TRHDE: variants seen among roughly 807,000 people sequenced by gnomAD.
TRHDE encodes thyrotropin-releasing hormone-degrading ectoenzyme.
Under a neutral mutation model 125.7 loss-of-function variants are expected in TRHDE, and 72 were observed. That is an observed-to-expected ratio of 0.57 (90% CI 0.47 to 0.70). The LOEUF (loss-of-function observed/expected upper bound fraction) is 0.70, where lower values mean the gene tolerates loss of function less well. Among genes scored for constraint, TRHDE ranks in the 30% least tolerant of loss-of-function variants. The pLI is 0.00. For missense variants in TRHDE, 1,110 were observed against 1,327.1 expected, an observed-to-expected ratio of 0.84 and a Z score of 2.54; for synonymous variants, 509 against 509.1, an observed-to-expected ratio of 1.00 and a Z score of 0.00.
At chr12:72,288,677 A>G (rs2139430833) in intron 2 of TRHDE, among the ~76,000 whole-genome samples, 1 of 152,234 alleles carries the variant, frequency 6.6e-6, no homozygotes, top group African/African-American at 2.4e-5. Context: ...TTTTTCTAGT[A>G]TGTTTTCTTT....
chr12:72,477,852 T>C (rs1205140839), intron 5 of TRHDE, among the ~76,000 whole-genome samples: 1 of 152,214 alleles, frequency 6.6e-6, no homozygotes, highest in African/African-American at 2.4e-5. Flanking sequence ...TTATAATTTG[T>C]GTTGTCTATA....
intron 3 of TRHDE, among the ~76,000 whole-genome samples, chr12:72,385,295 C>G (rs117575791): frequency 1.4e-4 from 22 of 151,954 alleles, no homozygotes; most frequent in African/African-American, 5.3e-4. Context: ...TGGAAACTAA[C>G]CTAAGGATCT....
chr12:72,508,114 G>A lies in TRHDE; in HGVS notation c.1722+8479G>A, dbSNP rs114617104. Among the ~76,000 whole-genome samples the A allele has an allele frequency of 5.7e-3, 873 of 152,338 alleles. 7 individuals carry two copies. Among genetic ancestry groups the A allele is most frequent in the African/African-American group, 0.019 (802 of 41,578 alleles). On this transcript the variant is annotated intron_variant, in intron 6 of 18. Transcript: ENST00000261180. ...TGTCCAGGTGGAAATCTGCTGCAGG[G>A]GCAGAGCCCTCATAGAGAATCTCTA...
chr12:72,200,104 A>G (rs1877525691), intron 2 of TRHDE, among the ~76,000 whole-genome samples: 1 of 152,214 alleles, frequency 6.6e-6, no homozygotes, highest in Non-Finnish European at 1.5e-5. Context: ...AATAGTGACT[A>G]AAGAGTCTTT....
intron 2 of TRHDE, among the ~76,000 whole-genome samples, chr12:72,366,986 G>C (rs561364796): frequency 6.6e-6 from 1 of 152,092 alleles, no homozygotes; most frequent in South Asian, 2.1e-4. Flanking sequence ...TCACCAAGAG[G>C]CTTTGAGATG....
chr12:72,142,772 A>G (rs925611189), intron 2 of TRHDE, among the ~76,000 whole-genome samples: 9 of 152,022 alleles, frequency 5.9e-5, no homozygotes, highest in Non-Finnish European at 7.4e-5. Context: ...GAAGATGAGG[A>G]ACATCTGGAC....
Position 72,664,316 on chromosome 12 carries a change from C to T in TRHDE, c.*1121C>T, listed in dbSNP as rs1565827888. 1 of 152,570 alleles carries T rather than the reference C, an allele frequency of 6.6e-6. No homozygotes were observed. 9.5% of individuals were successfully genotyped at this position (152,570 alleles called of 1,614,324 possible). A position where few individuals can be genotyped will look rare whatever the true frequency, so the allele number is the denominator to read the frequency against. On this transcript the variant is annotated 3_prime_UTR_variant, in exon 19 of 19. Coordinates refer to ENST00000261180, the MANE Select transcript of TRHDE (RefSeq NM_013381.3). The stretch of plus-strand genomic sequence containing the variant: ...TAGTCCAGAGAGTTAAAAAAATTCT[C>T]TGCATGTTGGTCTTTTAAGTCTGTT...
rs540856687 is a variant in TRHDE, at chr12:72,197,955, A to G, written n.279+92203A>G. Among the ~76,000 whole-genome samples, 153 of 152,114 alleles carry G rather than the reference A, an allele frequency of 1.0e-3. 2 individuals are homozygous for G. The highest frequency in any genetic ancestry group is 3.6e-3 in the African/African-American group (151 of 41,490). On this transcript the variant is annotated intron_variant and non_coding_transcript_variant, in intron 2 of 4. Coordinates refer to the TRHDE transcript ENST00000548156. Reference sequence around the variant, plus strand: ...AATGCACATGCCCATACTCAATAGCAGTCACTTCCTCATTTTCCCCTCCTT... The same window carrying G: ...AATGCACATGCCCATACTCAATAGCGGTCACTTCCTCATTTTCCCCTCCTT...
At chr12:72,378,474 A>G (rs1238876562) in intron 3 of TRHDE, among the ~76,000 whole-genome samples, 1 of 152,194 alleles carries the variant, frequency 6.6e-6, no homozygotes, top group Non-Finnish European at 1.5e-5. Flanking sequence ...CATTTTCCAC[A>G]TAAGGGAGTT....
intron 15 of TRHDE, among the ~76,000 whole-genome samples, chr12:72,640,376 G>C (rs537402961): frequency 6.6e-6 from 1 of 152,200 alleles, no homozygotes; most frequent in African/African-American, 2.4e-5. Flanking sequence ...CGCACGGTGC[G>C]TGCACCCACT....
intron 12 of TRHDE, among the ~76,000 whole-genome samples, chr12:72,604,912 G>A (rs142214022): frequency 8.6e-4 from 131 of 152,062 alleles, no homozygotes; most frequent in African/African-American, 3.1e-3. Flanking sequence ...TCATCATTAA[G>A]GAGTTAGAAC....
chr12:72,224,026 G>T (rs1878052804), intron 2 of TRHDE, among the ~76,000 whole-genome samples: 2 of 151,728 alleles, frequency 1.3e-5, no homozygotes, highest in Admixed American at 1.3e-4. Context: ...CAATACTGCA[G>T]TCTTCTCTTT....
intron 2 of TRHDE, among the ~76,000 whole-genome samples, chr12:72,345,502 A>G (rs931092442): frequency 1.3e-5 from 2 of 152,168 alleles, no homozygotes; most frequent in Non-Finnish European, 2.9e-5. Flanking sequence ...TTTAAATGCT[A>G]ATTACCTTTG....
intron 5 of TRHDE, among the ~76,000 whole-genome samples, chr12:72,494,687 C>G (rs950866409): frequency 1.3e-5 from 2 of 151,984 alleles, no homozygotes; most frequent in Admixed American, 6.6e-5. Context: ...AGGCAGAAGC[C>G]ATTACAAGAC....
upstream of TRHDE, among the ~76,000 whole-genome samples, chr12:72,269,948 A>T (rs909176410): frequency 6.6e-6 from 1 of 152,218 alleles, no homozygotes; most frequent in Non-Finnish European, 1.5e-5. Context: ...AGTGGGTCTT[A>T]GACTCCCCGG....
intron 2 of TRHDE, among the ~76,000 whole-genome samples, chr12:72,329,460 T>C (rs1210936846): frequency 6.6e-6 from 1 of 152,232 alleles, no homozygotes; most frequent in Non-Finnish European, 1.5e-5. Context: ...TGAACCCATT[T>C]TTACCCCTCC....
chr12:72,205,895 A>G (rs919233587), intron 2 of TRHDE, among the ~76,000 whole-genome samples: 3 of 152,076 alleles, frequency 2.0e-5, no homozygotes, highest in African/African-American at 7.2e-5. Context: ...ATTTTATGGT[A>G]GTTCCGTTTT....
intron 7 of TRHDE, among the ~76,000 whole-genome samples, chr12:72,543,830 T>TATGATG (rs1159165398): frequency 4.8e-5 from 7 of 147,242 alleles, no homozygotes; most frequent in Non-Finnish European, 3.0e-5. Flanking sequence ...TTATTATTAT[T>TATGATG]ATGAACGTTT....
intron 1 of TRHDE, among the ~76,000 whole-genome samples, chr12:72,103,149 C>G (rs1043632567): frequency 6.6e-6 from 1 of 152,090 alleles, no homozygotes; most frequent in Non-Finnish European, 1.5e-5. Flanking sequence ...ACAATTTGAA[C>G]AATTAGGTCT....
Sources: allele counts gnomAD v4.1 joint callset (sites outside exome capture counted in the v4.1 genomes callset), GRCh38; gene constraint gnomAD v4.1.1; transcripts MANE v1.5; gene names NCBI Gene and HGNC (gene_info 2026-07-23, HGNC 2026-07-21).